TNIK: variants seen among roughly 807,000 people sequenced by gnomAD.
TNIK encodes TRAF2 and NCK-interacting protein kinase.
A neutral mutation model predicts 191.3 loss-of-function variants in TNIK; 49 were observed. That is an observed-to-expected ratio of 0.26 (90% CI 0.20 to 0.32). The LOEUF (loss-of-function observed/expected upper bound fraction) is 0.32, where lower values mean the gene tolerates loss of function less well. Ranked by LOEUF, TNIK falls within the 10% of genes least tolerant of loss-of-function variation. The pLI is 1.00. For synonymous variants in TNIK, 594 were observed against 600.9 expected, an observed-to-expected ratio of 0.99 and a Z score of 0.17; for missense variants, 1,155 against 1,702.3, an observed-to-expected ratio of 0.68 and a Z score of 5.66.
intron 2 of TNIK, among the ~76,000 whole-genome samples, chr3:171,337,508 C>T (rs568773794): frequency 1.7e-4 from 26 of 152,260 alleles, no homozygotes; most frequent in South Asian, 4.1e-4. Context: ...CCTATTTGGG[C>T]GGATATAGTT....
At position 171,157,489 on chromosome 3, in the gene TNIK, G is replaced by A; in HGVS notation, c.1192C>T (p.Gln398Ter). The change falls in exon 12 of 33, where the codon CAG becomes TAG. Residue 398 changes from glutamine (Q) to a stop codon, truncating the protein, a stop_gained. Coordinates refer to ENST00000436636, the MANE Select transcript of TNIK (RefSeq NM_015028.4). LOFTEE classifies it high-confidence loss of function. ...TCCAGCCGCCGCCTCTGCTCTTTCTGCTCCTCGATGCGCTTCTGACGCTCG... is the reference window on the plus strand; with the variant it reads ...TCCAGCCGCCGCCTCTGCTCTTTCTACTCCTCGATGCGCTTCTGACGCTCG... ...LAERQKRIEEQKEQRRRLEEQ... is the reference protein window; with the variant it reads ...LAERQKRIEE The A allele has an allele frequency of 6.4e-7, 1 of 1,573,280 alleles. No homozygotes were observed. Among genetic ancestry groups the A allele is most frequent in the Non-Finnish European group, 8.6e-7 (1 of 1,159,850 alleles).
Position 171,063,744 on chromosome 3 carries a change from G to T in TNIK, c.*137C>A. ...AAGATGGACTGTACTGGGAGGGGCGGAGGGAGAGGAAAAAGGGAAAGCGAT... is the reference window on the plus strand; with the variant it reads ...AAGATGGACTGTACTGGGAGGGGCGTAGGGAGAGGAAAAAGGGAAAGCGAT... On this transcript the variant is annotated 3_prime_UTR_variant, in exon 33 of 33. Coordinates refer to ENST00000436636, the MANE Select transcript of TNIK (RefSeq NM_015028.4). 1.3e-6 allele frequency: 1 copy of T among 777,394 alleles called. No homozygotes were observed. Among genetic ancestry groups the T allele is most frequent in the Non-Finnish European group, 2.1e-6 (1 of 485,548 alleles). 48.2% of individuals were successfully genotyped at this position (777,394 alleles called of 1,614,324 possible). A position where few individuals can be genotyped will look rare whatever the true frequency, so the allele number is the denominator to read the frequency against.
At chr3:171,244,687 T>G (rs1450582977) in intron 2 of TNIK, among the ~76,000 whole-genome samples, 2 of 151,996 alleles carry the variant, frequency 1.3e-5, no homozygotes, top group East Asian at 3.9e-4. Context: ...TCGGCCTCTA[T>G]GTTACAAAGG....
At chr3:171,242,907 A>T (rs1213241798) in intron 2 of TNIK, among the ~76,000 whole-genome samples, 1 of 152,246 alleles carries the variant, frequency 6.6e-6, no homozygotes, top group Non-Finnish European at 1.5e-5. Context: ...AACATAAAAA[A>T]ATCTTTTTGA....
intron 4 of TNIK, among the ~76,000 whole-genome samples, chr3:171,202,433 T>A (rs1156971773): frequency 6.6e-6 from 1 of 152,128 alleles, no homozygotes; most frequent in African/African-American, 2.4e-5. Flanking sequence ...GGACTAATCA[T>A]CTTGATTGCT....
intron 1 of TNIK, among the ~76,000 whole-genome samples, chr3:171,392,574 G>T (rs1292186705): frequency 6.6e-6 from 1 of 152,056 alleles, no homozygotes; most frequent in Non-Finnish European, 1.5e-5. Context: ...GAGGTCAGGA[G>T]TTCGTGACCA....
At chr3:171,324,689 G>A (rs901893656) in intron 2 of TNIK, among the ~76,000 whole-genome samples, 1 of 152,080 alleles carries the variant, frequency 6.6e-6, no homozygotes, top group East Asian at 1.9e-4. Context: ...CTAAGCTTTC[G>A]AAAATGTCAG....
chr3:171,419,550 A>C (rs901545378), intron 1 of TNIK, among the ~76,000 whole-genome samples: 4 of 152,186 alleles, frequency 2.6e-5, no homozygotes, highest in African/African-American at 9.7e-5. Context: ...AAGGCTCAAG[A>C]TGATTGCCTA....
chr3:171,312,287 G>A (rs1008127646), intron 2 of TNIK, among the ~76,000 whole-genome samples: 1 of 151,814 alleles, frequency 6.6e-6, no homozygotes, highest in African/African-American at 2.4e-5. Context: ...TGCGAGCTCT[G>A]TGTTTTTCTA....
At chr3:171,448,623 T>C (rs1296862050) in intron 1 of TNIK, among the ~76,000 whole-genome samples, 1 of 150,928 alleles carries the variant, frequency 6.6e-6, no homozygotes, top group Non-Finnish European at 1.5e-5. Context: ...GGGCATATAC[T>C]TAGGAGTGAA....
At chr3:171,157,269 A>G (rs532173670) in intron 12 of TNIK, among the ~76,000 whole-genome samples, 191 bp downstream of exon 12, 1 of 152,348 alleles carries the variant, frequency 6.6e-6, no homozygotes, top group South Asian at 2.1e-4. Context: ...TGAAATGACC[A>G]CACCACCACA....
intron 1 of TNIK, among the ~76,000 whole-genome samples, chr3:171,427,253 T>G (rs545493255): frequency 6.6e-6 from 1 of 152,298 alleles, no homozygotes; most frequent in African/African-American, 2.4e-5. Flanking sequence ...GCTGGCTTCC[T>G]TCTTTACTAA....
rs540597625 is a variant in TNIK, at chr3:171,133,440, G to A, written c.1609-4562C>T. ...TACAACAGTCTTGGAAACAAAATAG[G>A]AATATGTTGAATACCATATTTCATT... On this transcript the variant is annotated intron_variant, in intron 15 of 32. Transcript: ENST00000436636. Among the ~76,000 whole-genome samples the A allele has an allele frequency of 3.9e-5, 6 of 152,250 alleles. No individual in the cohort carries two copies. The South Asian group carries it at 1.0e-3, about 26-fold the overall frequency.
At chr3:171,103,586 A>G (rs892133528) in intron 21 of TNIK, among the ~76,000 whole-genome samples, 1 of 152,170 alleles carries the variant, frequency 6.6e-6, no homozygotes, top group Admixed American at 6.5e-5. Context: ...ATGAAAAATT[A>G]GATAAATTTA....
intron 1 of TNIK, among the ~76,000 whole-genome samples, chr3:171,392,134 G>T (rs762017785): frequency 3.9e-5 from 6 of 152,084 alleles, no homozygotes; most frequent in Non-Finnish European, 8.8e-5. Flanking sequence ...TCATTAAAAA[G>T]AAATTACATT....
At chr3:171,300,175 G>A (rs1186724888) in intron 2 of TNIK, among the ~76,000 whole-genome samples, 4 of 152,138 alleles carry the variant, frequency 2.6e-5, no homozygotes, top group African/African-American at 4.8e-5. Context: ...AAAAATACAC[G>A]CTGGGTGATG....
intron 1 of TNIK, among the ~76,000 whole-genome samples, chr3:171,407,324 C>T (rs1345988980): frequency 6.6e-6 from 1 of 152,166 alleles, no homozygotes; most frequent in Non-Finnish European, 1.5e-5. Context: ...AGATGACCTT[C>T]AGTGATGGTA....
rs1720803407 is a variant in TNIK at position 171,082,346 on chromosome 3, C to T, written c.3218G>A (p.Arg1073Gln). ...ATTATAGACTTTGCCTTGCCCACTT[C>T]GGTCCAAAAGCATCAGGCCATTTTC... Reference protein sequence around the residue: ...GTENGLMLLDRSGQGKVYNLI... With the variant: ...GTENGLMLLDQSGQGKVYNLI... The change falls in exon 27 of 33, where the codon CGA becomes CAA. Residue 1073 changes from arginine (R) to glutamine (Q), a missense_variant. Physicochemically the swap from Arg to Gln is conservative, Grantham distance 43. Around this residue, in one of 3 missense-constraint regions of TNIK, gnomAD observed 195 missense variants for 415.4 expected, o/e 0.47. Transcript: ENST00000436636. 6.2e-7 allele frequency: 1 copy of T among 1,613,736 alleles called. No homozygotes were observed. Among genetic ancestry groups the T allele is most frequent in the Non-Finnish European group, 8.5e-7 (1 of 1,179,834 alleles).
chr3:171,109,012 T>A (rs757569563), intron 19 of TNIK, among the ~76,000 whole-genome samples: 1 of 152,112 alleles, frequency 6.6e-6, no homozygotes, highest in Non-Finnish European at 1.5e-5. Flanking sequence ...GCCCTTTTAA[T>A]CCGGAAGAAC....
Sources: gnomAD v4.1 joint callset for allele counts (sites outside exome capture counted in the v4.1 genomes callset) on GRCh38, gnomAD v4.1.1 for gene constraint, gnomAD v4.1.1 regional missense constraint, MANE v1.5 for transcripts, NCBI Gene and HGNC (gene_info 2026-07-23, HGNC 2026-07-21) for gene names.